The following DIP2C variants were observed in gnomAD, a reference collection of about 807,000 sequenced individuals.
DIP2C encodes DIP2 acetate--CoA ligase C (putative).
A neutral mutation model predicts 192.4 loss-of-function variants in DIP2C; 33 were observed. That is an observed-to-expected ratio of 0.17 (90% CI 0.13 to 0.23). The LOEUF (loss-of-function observed/expected upper bound fraction) is 0.23. Ranked by LOEUF, DIP2C falls within the 10% of genes least tolerant of loss-of-function variation. The probability of loss-of-function intolerance (pLI) is 1.00; values close to 1 mark genes in which losing one functional copy is unlikely to be tolerated. For synonymous variants in DIP2C, 979 were observed against 864.1 expected (o/e 1.13, Z -2.33); for missense variants, 1,537 against 2,110.1 (o/e 0.73, Z 5.32).
intron 3 of DIP2C, among the ~76,000 whole-genome samples, chr10:445,452 AAG>A (rs2133290978): frequency 6.7e-6 from 1 of 149,168 alleles, no homozygotes; most frequent in Non-Finnish European, 1.5e-5. Flanking sequence ...ATCTGTTGTG[AAG>A]AGTCTCACAG....
intron 1 of DIP2C, among the ~76,000 whole-genome samples, chr10:488,317 T>TGCAA (rs956801329): frequency 6.6e-6 from 1 of 152,212 alleles, no homozygotes; most frequent in Non-Finnish European, 1.5e-5. Flanking sequence ...CTTGCCGAGC[T>TGCAA]GCAAGGCAAG....
chr10:388,627 G>A (rs370253239), intron 13 of DIP2C, among the ~76,000 whole-genome samples: 6 of 152,342 alleles, frequency 3.9e-5, no homozygotes, highest in South Asian at 2.1e-4. Context: ...CCTTGGAGGC[G>A]CAGGGGGCAG....
At chr10:366,792 A>G (rs1160723798) in intron 18 of DIP2C, among the ~76,000 whole-genome samples, 2 of 152,156 alleles carry the variant, frequency 1.3e-5, no homozygotes, top group African/African-American at 2.4e-5. Context: ...TCAAGCCTCT[A>G]ATGTCTTATG....
At chr10:614,135 T>C (rs1425638227) in intron 1 of DIP2C, among the ~76,000 whole-genome samples, 4 of 152,226 alleles carry the variant, frequency 2.6e-5, no homozygotes, top group Non-Finnish European at 2.9e-5. Context: ...CTCTTTGCCA[T>C]GCACACATGG....
chr10:309,072 G>A (rs1055324423), intron 32 of DIP2C, among the ~76,000 whole-genome samples: 2 of 152,304 alleles, frequency 1.3e-5, no homozygotes, highest in Middle Eastern at 3.4e-3. Context: ...CATGTCCCAC[G>A]CACTTCACCT....
In DIP2C at chr10:560,243, G is replaced by C. The variant is rs189447210; in HGVS notation, c.86-73713C>G. ...AAACCCACAGGGGTGGAGAAGACAC[G>C]CGATCAAGGTGGACAGGATGGAGGA... On this transcript the variant is annotated intron_variant, in intron 1 of 36. Coordinates refer to ENST00000280886, the MANE Select transcript of DIP2C (RefSeq NM_014974.3). Among the ~76,000 whole-genome samples, 527 of 152,282 alleles carry C rather than the reference G, an allele frequency of 3.5e-3. 6 individuals are homozygous for C. The highest frequency in any genetic ancestry group is 4.0e-3 in the Non-Finnish European group (273 of 68,026).
intron 1 of DIP2C, among the ~76,000 whole-genome samples, chr10:579,752 T>C (rs1043055835): frequency 6.6e-6 from 1 of 152,024 alleles, no homozygotes; most frequent in African/African-American, 2.4e-5. Flanking sequence ...TACACTATAA[T>C]GTATGTACAT....
intron 7 of DIP2C, 32 bp from the exon 8 acceptor site, chr10:414,142 G>A (rs767452457): frequency 6.3e-7 from 1 of 1,588,950 alleles, no homozygotes; most frequent in Non-Finnish European, 8.6e-7. Context: ...GGTTACAAGA[G>A]AAATGCATCC....
chr10:674,633 G>C (rs1035018417), intron 1 of DIP2C, among the ~76,000 whole-genome samples: 2 of 151,762 alleles, frequency 1.3e-5, no homozygotes, highest in Non-Finnish European at 2.9e-5. Flanking sequence ...ACCGAGCATG[G>C]TGGCACATGC....
rs1421866096 is a variant in DIP2C at position 414,056 on chromosome 10, A to T, written c.914T>A (p.Met305Lys). 6 of 1,613,850 alleles carry T rather than the reference A, an allele frequency of 3.7e-6. No homozygotes were observed. Among genetic ancestry groups the T allele is most frequent in the African/African-American group, 1.3e-5 (1 of 74,944 alleles). Reference protein sequence around the residue: ...PKPEGAQMLAMRGEQLGVVTN... With the variant: ...PKPEGAQMLAKRGEQLGVVTN... ...GACCACGCCCAGCTGCTCTCCGCGC[A>T]TGGCCAGCATCTGGGCCCCCTCCGG... is the stretch of plus-strand genomic sequence containing the variant. The change falls in exon 8 of 37, where the codon ATG becomes AAG. Residue 305 changes from methionine to lysine, a missense_variant. Met to Lys is a moderately conservative substitution (Grantham distance 95). Coordinates refer to ENST00000280886, the MANE Select transcript of DIP2C (RefSeq NM_014974.3).
At chr10:306,385 C>T (rs1317733588) in intron 32 of DIP2C, among the ~76,000 whole-genome samples, 2 of 152,134 alleles carry the variant, frequency 1.3e-5, no homozygotes, top group Non-Finnish European at 2.9e-5. Flanking sequence ...GGTGGTCTTC[C>T]TCTGTAGGCC....
chr10:344,693 C>A, intron 28 of DIP2C, 116 bp downstream of exon 28: 1 of 827,580 alleles, frequency 1.2e-6, no homozygotes, highest in Non-Finnish European at 2.0e-6. Context: ...ATGTATACCT[C>A]TTTCCACATC....
chr10:619,533 G>GCCCACCCTCCCACCCTCCCA (rs1172584696), intron 1 of DIP2C, among the ~76,000 whole-genome samples: 471 of 38,822 alleles, frequency 0.012, 2 homozygotes, highest in Non-Finnish European at 0.02. Flanking sequence ...GACCAAGCCC[G>GCCCACCCTCCCACCCTCCCA]CCCGCCCGCC....
chr10:581,269 G>A (rs1017932790), intron 1 of DIP2C, among the ~76,000 whole-genome samples: 2 of 152,164 alleles, frequency 1.3e-5, no homozygotes, highest in African/African-American at 4.8e-5. Context: ...GTGTTTGTAT[G>A]TCTAAAAAGT....
intron 17 of DIP2C, among the ~76,000 whole-genome samples, chr10:377,023 T>G (rs1307616135): frequency 6.6e-6 from 1 of 152,188 alleles, no homozygotes; most frequent in Admixed American, 6.5e-5. Flanking sequence ...AATGTAATAT[T>G]CTTCCTTTTC....
Position 390,725 on chromosome 10 carries a change from G to A in DIP2C, c.1384+15C>T. 6.2e-7 allele frequency: 1 copy of A among 1,610,012 alleles called. No individual in the cohort carries two copies. The highest frequency in any genetic ancestry group is 8.5e-7 in the Non-Finnish European group (1 of 1,178,342). On this transcript the variant is annotated intron_variant, in intron 11 of 36. Coordinates refer to ENST00000280886, the MANE Select transcript of DIP2C (RefSeq NM_014974.3). ...GGACGTGGGCATGCGAGCTCTCGGA[G>A]GCTCGGTGGCTTACCTTTAAACTGT...
In DIP2C at chr10:413,907, G is replaced by T; in HGVS notation, c.1057+6C>A. On this transcript the variant is annotated splice_donor_region_variant and intron_variant, in intron 8 of 36. Coordinates refer to ENST00000280886, the MANE Select transcript of DIP2C (RefSeq NM_014974.3). ...GCAAAGGGCAGAGAGTGAGCCTGGGGATTACCGTAAGTGAGGATGTAGAGG... is the reference window on the plus strand; with the variant it reads ...GCAAAGGGCAGAGAGTGAGCCTGGGTATTACCGTAAGTGAGGATGTAGAGG... The T allele has an allele frequency of 1.2e-6, 2 of 1,613,142 alleles. No individual in the cohort carries two copies. Among genetic ancestry groups the T allele is most frequent in the South Asian group, 1.1e-5 (1 of 90,958 alleles).
At chr10:356,972 G>A (rs1331772640) in intron 23 of DIP2C, among the ~76,000 whole-genome samples, 1 of 152,206 alleles carries the variant, frequency 6.6e-6, no homozygotes, top group African/African-American at 2.4e-5. Flanking sequence ...TAGGTTTCTA[G>A]AATGGCAATA....
At chr10:591,843 C>T (rs1017130460) in intron 1 of DIP2C, among the ~76,000 whole-genome samples, 1 of 152,200 alleles carries the variant, frequency 6.6e-6, no homozygotes, top group Non-Finnish European at 1.5e-5. Flanking sequence ...TCTCCTCAGA[C>T]GTCCCACAGT....
Sources: allele counts gnomAD v4.1 joint callset (sites outside exome capture counted in the v4.1 genomes callset), GRCh38; gene constraint gnomAD v4.1.1; transcripts MANE v1.5; gene names NCBI Gene and HGNC (gene_info 2026-07-23, HGNC 2026-07-21).